Variants in C4orf33 observed in about 807,000 individuals in gnomAD.
C4orf33 encodes UPF0462 protein C4orf33.
Under a neutral mutation model 24.3 loss-of-function variants are expected in C4orf33, and 20 were observed. The ratio of observed to expected loss-of-function variants is 0.82; its 90% CI spans 0.58 to 1.19. C4orf33 has a LOEUF of 1.19. C4orf33 is among the 50% of genes most tolerant of loss of function. The pLI is 0.00. For missense variants in C4orf33, 207 were observed against 225.9 expected, an observed-to-expected ratio of 0.92 and a Z score of 0.54; for synonymous variants, 67 against 76.4, an observed-to-expected ratio of 0.88 and a Z score of 0.64.
chr4:129,104,506 G>T (rs755220103), intron 2 of C4orf33, among the ~76,000 whole-genome samples: 1 of 151,936 alleles, frequency 6.6e-6, no homozygotes, highest in African/African-American at 2.4e-5. Context: ...CCATGACCTG[G>T]CCCCTTATTC....
chr4:129,101,478 T>TG (rs931252885), intron 1 of C4orf33, among the ~76,000 whole-genome samples: 1 of 152,086 alleles, frequency 6.6e-6, no homozygotes, highest in African/African-American at 2.4e-5. Context: ...TAGTATAATT[T>TG]GGGGGGTCCA....
chr4:129,102,609 A>G lies in C4orf33; in HGVS notation c.-2A>G. On this transcript the variant is annotated 5_prime_UTR_variant, in exon 2 of 6. Coordinates refer to ENST00000425929, the MANE Select transcript of C4orf33 (RefSeq NM_001099783.2). Reference sequence around the variant, plus strand: ...TAACATATTTTCTTTTAGAGACTTCAGATGGATTTTAAAATTGAACACACT... The same window carrying G: ...TAACATATTTTCTTTTAGAGACTTCGGATGGATTTTAAAATTGAACACACT... The G allele has an allele frequency of 6.2e-7, 1 of 1,600,882 alleles. No individual in the cohort carries two copies. The highest frequency in any genetic ancestry group is 8.5e-7 in the Non-Finnish European group (1 of 1,173,832).
intron 2 of C4orf33, chr4:129,103,046 GC>G: frequency 3.9e-6 from 1 of 253,828 alleles, no homozygotes; most frequent in Non-Finnish European, 7.0e-6. Flanking sequence ...TTGAGACAGA[GC>G]TTCACTCTGT....
At chr4:129,109,152 GT>G (rs777168623) in intron 3 of C4orf33, among the ~76,000 whole-genome samples, 154 bp from the exon 4 acceptor site, 7 of 152,198 alleles carry the variant, frequency 4.6e-5, no homozygotes, top group Non-Finnish European at 5.9e-5. Context: ...GCCTCCCAAA[GT>G]GCTGGGTTAC....
rs1197994523 is a variant in C4orf33 at position 129,114,008 on chromosome 4, A to T, written c.*2217A>T. ...AATATTTTACACATTGCTTTATTACAGCATTTATTTCACTGGTCCTAGATA... is the reference window on the plus strand; with the variant it reads ...AATATTTTACACATTGCTTTATTACTGCATTTATTTCACTGGTCCTAGATA... On this transcript the variant is annotated 3_prime_UTR_variant, in exon 6 of 6. Transcript: ENST00000425929. The T allele has an allele frequency of 6.6e-6, 1 of 152,198 alleles. No homozygotes were observed. The highest frequency in any genetic ancestry group is 2.4e-5 in the African/African-American group (1 of 41,452). 9.4% of individuals were successfully genotyped at this position (152,198 alleles called of 1,614,324 possible). A position where few individuals can be genotyped will look rare whatever the true frequency, so the allele number is the denominator to read the frequency against.
chr4:129,103,607 A>G (rs1239338355), intron 2 of C4orf33, among the ~76,000 whole-genome samples: 1 of 152,146 alleles, frequency 6.6e-6, no homozygotes, highest in Non-Finnish European at 1.5e-5. Flanking sequence ...CTTCTACTGT[A>G]TCCTAATTAA....
At chr4:129,095,395 T>G (rs1252024421), upstream of C4orf33, among the ~76,000 whole-genome samples, 1 of 152,144 alleles carries the variant, frequency 6.6e-6, no homozygotes, top group Non-Finnish European at 1.5e-5. Context: ...GAACACAGAG[T>G]TGATTAAATA....
At chr4:129,106,506 T>G in intron 2 of C4orf33, 81 bp from the exon 3 acceptor site, 1 of 711,984 alleles carries the variant, frequency 1.4e-6, no homozygotes. Context: ...TTAATTCATT[T>G]TATATTCTAA....
In C4orf33 at chr4:129,109,427, T is replaced by C. The variant is rs1408062070; in HGVS notation, c.295-46T>C. ...AATACACATATTTCTATGTTTAAAG[T>C]GTAAGCCCAATTTTATCTTTTGTGT... is the stretch of plus-strand genomic sequence containing the variant. On this transcript the variant is annotated intron_variant, in intron 4 of 5. Transcript: ENST00000425929. 6.9e-6 allele frequency: 11 copies of C among 1,603,066 alleles called. No homozygotes were observed. The Admixed American group carries it at 1.3e-4, about 19-fold the overall frequency.
chr4:129,114,625 TCA>T lies in C4orf33; in HGVS notation c.*2837_*2838del, dbSNP rs1389639901. On this transcript the variant is annotated 3_prime_UTR_variant, in exon 6 of 6. Transcript: ENST00000425929. Reference sequence around the variant, plus strand: ...GTCAGGATGAGAATCTAGAATTGTATCACAGGGCATTTGGTGACAAGGACCCC... The same window carrying T: ...GTCAGGATGAGAATCTAGAATTGTATCAGGGCATTTGGTGACAAGGACCCC... 1 of 152,190 alleles carries T rather than the reference TCA, an allele frequency of 6.6e-6. No individual in the cohort carries two copies. Among genetic ancestry groups the T allele is most frequent in the East Asian group, 1.9e-4 (1 of 5,188 alleles). The allele number at this position is 152,190 out of a possible 1,614,324, so 9.4% of individuals were successfully genotyped here. A position where few individuals can be genotyped will look rare whatever the true frequency, so the allele number is the denominator to read the frequency against.
At position 129,112,164 on chromosome 4, in the gene C4orf33, A is replaced by G. The variant is rs1321502766; in HGVS notation, c.*373A>G. 2 of 156,912 alleles carry G rather than the reference A, an allele frequency of 1.3e-5. No homozygotes were observed. The highest frequency in any genetic ancestry group is 2.4e-5 in the African/African-American group (1 of 41,578). 9.7% of individuals were successfully genotyped at this position (156,912 alleles called of 1,614,324 possible). ...TGATTCAACCATTTCATTCCTAGATATATACCCCAGAAAAATGACTGCTCA... is the reference window on the plus strand; with the variant it reads ...TGATTCAACCATTTCATTCCTAGATGTATACCCCAGAAAAATGACTGCTCA... On this transcript the variant is annotated 3_prime_UTR_variant, in exon 6 of 6. Coordinates refer to ENST00000425929, the MANE Select transcript of C4orf33 (RefSeq NM_001099783.2).
intron 1 of C4orf33, among the ~76,000 whole-genome samples, chr4:129,098,416 T>G (rs1753261964): frequency 6.6e-6 from 1 of 152,184 alleles, no homozygotes; most frequent in South Asian, 2.1e-4. Context: ...AGTGAAAATA[T>G]GTGGTATTTG....
chr4:129,102,558 T>C, intron 1 of C4orf33, 44 bp from the exon 2 acceptor site: 7 of 1,394,260 alleles, frequency 5.0e-6, no homozygotes, highest in Non-Finnish European at 6.9e-6. Flanking sequence ...AAAGAAAACA[T>C]TTGTATATTG....
intron 3 of C4orf33, among the ~76,000 whole-genome samples, chr4:129,107,304 G>T (rs559225617): frequency 6.6e-6 from 1 of 151,946 alleles, no homozygotes; most frequent in South Asian, 2.1e-4. Context: ...TGTTTACCTG[G>T]TTGGCAAACT....
At position 129,111,942 on chromosome 4, in the gene C4orf33, G is replaced by T. The variant is rs1753702143; in HGVS notation, c.*151G>T. On this transcript the variant is annotated 3_prime_UTR_variant, in exon 6 of 6. Coordinates refer to ENST00000425929, the MANE Select transcript of C4orf33 (RefSeq NM_001099783.2). Reference sequence around the variant, plus strand: ...GAAAATATAGTATCTGTGGCAAATTGTATATGATTAACAAGAAAATATATG... The same window carrying T: ...GAAAATATAGTATCTGTGGCAAATTTTATATGATTAACAAGAAAATATATG... The T allele has an allele frequency of 5.8e-6, 3 of 515,500 alleles. No individual in the cohort carries two copies. The highest frequency in any genetic ancestry group is 7.0e-6 in the Non-Finnish European group (2 of 286,048). The allele number at this position is 515,500 out of a possible 1,614,324, so 31.9% of individuals were successfully genotyped here.
Position 129,102,734 on chromosome 4 carries a change from C to T in C4orf33, c.124C>T (p.Pro42Ser). ...CATTAGTGCTCCATTTTTCAGGGAT[C>T]CTCCAGCCCCACTTGGAGAACCAGG... Reference protein sequence around the residue: ...MDISAPFFRDPPAPLGEPGKP... With the variant: ...MDISAPFFRDSPAPLGEPGKP... Residue 42 changes from proline to serine, a missense_variant, in exon 2 of 6, where the codon CCT (proline) becomes TCT (serine). Pro to Ser is a moderately conservative substitution (Grantham distance 74, BLOSUM62 -1). Coordinates refer to ENST00000425929, the MANE Select transcript of C4orf33 (RefSeq NM_001099783.2). 6.2e-7 allele frequency: 1 copy of T among 1,614,002 alleles called. No individual in the cohort carries two copies. Among genetic ancestry groups the T allele is most frequent in the African/African-American group, 1.3e-5 (1 of 75,030 alleles).
chr4:129,115,822 A>G lies in C4orf33; in HGVS notation c.*4031A>G, dbSNP rs1753767411. The G allele has an allele frequency of 1.1e-5, 1 of 92,698 alleles. No homozygotes were observed. Among genetic ancestry groups the G allele is most frequent in the East Asian group, 2.6e-4 (1 of 3,816 alleles). 5.7% of individuals were successfully genotyped at this position (92,698 alleles called of 1,614,324 possible). The stretch of plus-strand genomic sequence containing the variant: ...ACTAAATATATATATATATATATAT[A>G]TATATATAAAATATATATGTTTATA... On this transcript the variant is annotated 3_prime_UTR_variant, in exon 6 of 6. Coordinates refer to ENST00000425929, the MANE Select transcript of C4orf33 (RefSeq NM_001099783.2).
chr4:129,106,523 A>G, intron 2 of C4orf33, 64 bp from the exon 3 acceptor site: 1 of 795,614 alleles, frequency 1.3e-6, no homozygotes, highest in Non-Finnish European at 2.0e-6. Flanking sequence ...CTAAAGGAAT[A>G]AATTATTTAT....
In C4orf33 at chr4:129,115,998, T is replaced by G. The variant is rs1035075177; in HGVS notation, c.*4207T>G. On this transcript the variant is annotated 3_prime_UTR_variant, in exon 6 of 6. Transcript: ENST00000425929. The stretch of plus-strand genomic sequence containing the variant: ...AAAGAGCAAAACTTATAAAATTGAC[T>G]ATTGTAACTCTATTTTTTACCAACT... 4 of 151,452 alleles carry G rather than the reference T, an allele frequency of 2.6e-5. No individual in the cohort carries two copies. Among genetic ancestry groups the G allele is most frequent in the Non-Finnish European group, 5.9e-5 (4 of 67,856 alleles). The allele number at this position is 151,452 out of a possible 1,614,324, so 9.4% of individuals were successfully genotyped here. A position where few individuals can be genotyped will look rare whatever the true frequency, so the allele number is the denominator to read the frequency against.
Sources: allele counts gnomAD v4.1 joint callset (sites outside exome capture counted in the v4.1 genomes callset), GRCh38; gene constraint gnomAD v4.1.1; transcripts MANE v1.5; gene names NCBI Gene and HGNC (gene_info 2026-07-23, HGNC 2026-07-21).